Variants in CC2D2A observed in about 807,000 individuals in gnomAD.
CC2D2A encodes the protein coiled-coil and C2 domain-containing protein 2A.
CC2D2A carries 155 observed loss-of-function variants against 212.9 expected under a neutral mutation model. The ratio of observed to expected loss-of-function variants is 0.73; its 90% CI spans 0.64 to 0.83. The LOEUF is 0.83. Among genes scored for constraint, CC2D2A ranks in the 40% least tolerant of loss-of-function variants. The pLI is 0.00. For synonymous variants in CC2D2A, 667 were observed against 686.5 expected (o/e 0.97, Z 0.44); for missense variants, 1,856 against 1,956.2 (o/e 0.95, Z 0.97).
chr4:15,567,295 C>T lies in CC2D2A; in HGVS notation c.3183-82C>T, dbSNP rs887382087. ...CTTGGGCGACAGAGTGAGACCCTAT[C>T]TCAATAAATAAATAATTGTCTTCTC... is the stretch of plus-strand genomic sequence containing the variant. On this transcript the variant is annotated intron_variant, in intron 24 of 36. Transcript: ENST00000424120. The T allele has an allele frequency of 2.8e-6, 3 of 1,083,182 alleles. No individual in the cohort carries two copies. In the South Asian group the frequency reaches 4.1e-5, roughly 15 times the overall value. The allele number at this position is 1,083,182 out of a possible 1,614,324, so 67.1% of individuals were successfully genotyped here.
chr4:15,598,293 A>C (rs1721408534), intron 35 of CC2D2A, among the ~76,000 whole-genome samples: 1 of 152,250 alleles, frequency 6.6e-6, no homozygotes, highest in Non-Finnish European at 1.5e-5. Context: ...AAGCACCAAA[A>C]AAGAAATGAT....
chr4:15,538,027 G>C lies in CC2D2A; in HGVS notation c.1893G>C (p.Glu631Asp). ...AGCCCACTGATCGGGCAGTGATAGA[G>C]CAGGAGGTGAGGGAGAGAGCAGCCC... ...PPEPTDRAVI[E>D]QEVRERAAQS... is the part of the protein sequence containing the mutation. The change falls in exon 16 of 37, where the codon GAG becomes GAC. Residue 631 changes from glutamate to aspartate, a missense_variant. Physicochemically the swap from Glu to Asp is conservative, Grantham distance 45 (BLOSUM62 2). Coordinates refer to ENST00000424120, the MANE Select transcript of CC2D2A (RefSeq NM_001378615.1). 6.2e-7 allele frequency: 1 copy of C among 1,608,820 alleles called. No individual in the cohort carries two copies. Among genetic ancestry groups the C allele is most frequent in the Non-Finnish European group, 8.5e-7 (1 of 1,177,796 alleles).
chr4:15,481,569 C>T (rs981546661), intron 4 of CC2D2A: 1 of 181,780 alleles, frequency 5.5e-6, no homozygotes, highest in Non-Finnish European at 1.2e-5. Flanking sequence ...TGCTCCCTCT[C>T]TCACCATGCG....
intron 33 of CC2D2A, among the ~76,000 whole-genome samples, chr4:15,595,681 C>T (rs748415934): frequency 6.6e-6 from 1 of 152,190 alleles, no homozygotes; most frequent in Non-Finnish European, 1.5e-5. Flanking sequence ...AACACAAGGG[C>T]TATCTCAGAG....
intron 19 of CC2D2A, 89 bp downstream of exon 19, chr4:15,553,394 C>A: frequency 7.1e-7 from 1 of 1,406,864 alleles, no homozygotes; most frequent in East Asian, 2.4e-5. Flanking sequence ...GTATCATATT[C>A]TTTCCTTTTA....
At chr4:15,485,739 C>T (rs556874802) in intron 4 of CC2D2A, among the ~76,000 whole-genome samples, 5 of 152,180 alleles carry the variant, frequency 3.3e-5, no homozygotes, top group East Asian at 1.9e-4. Flanking sequence ...AGCATTTTTG[C>T]GTATACCTGT....
intron 4 of CC2D2A, among the ~76,000 whole-genome samples, chr4:15,484,156 T>C (rs1446970222): frequency 6.6e-6 from 1 of 152,142 alleles, no homozygotes; most frequent in African/African-American, 2.4e-5. Flanking sequence ...AGATAAAGAA[T>C]AAGCTGGCAG....
chr4:15,525,910 G>A (rs1717486822), intron 11 of CC2D2A, among the ~76,000 whole-genome samples: 1 of 152,132 alleles, frequency 6.6e-6, no homozygotes, highest in Non-Finnish European at 1.5e-5. Context: ...TTGGAATGTG[G>A]GGTAATGCAG....
chr4:15,532,675 A>C (rs950835712), intron 13 of CC2D2A, among the ~76,000 whole-genome samples: 1 of 152,258 alleles, frequency 6.6e-6, no homozygotes, highest in African/African-American at 2.4e-5. Context: ...AAGGTATTAA[A>C]TAAAGATGAA....
chr4:15,488,825 G>T (rs1260621710), intron 4 of CC2D2A, among the ~76,000 whole-genome samples: 2 of 152,206 alleles, frequency 1.3e-5, no homozygotes, highest in East Asian at 3.9e-4. Context: ...ATGCCCGGAG[G>T]TGCCACCTCC....
intron 28 of CC2D2A, among the ~76,000 whole-genome samples, chr4:15,573,292 T>C (rs940437561): frequency 2.0e-5 from 3 of 152,146 alleles, no homozygotes; most frequent in African/African-American, 7.2e-5. Flanking sequence ...ATGCCATAGT[T>C]TTTTGTTTTC....
At chr4:15,495,406 G>A (rs1230330884) in intron 4 of CC2D2A, among the ~76,000 whole-genome samples, 1 of 152,150 alleles carries the variant, frequency 6.6e-6, no homozygotes, top group African/African-American at 2.4e-5. Flanking sequence ...ACCACGCCCA[G>A]CCTCTATTGT....
chr4:15,554,834 T>C (rs371170223), intron 19 of CC2D2A, among the ~76,000 whole-genome samples: 14 of 152,364 alleles, frequency 9.2e-5, no homozygotes, highest in Middle Eastern at 3.4e-3. Context: ...TTTTATGCAC[T>C]GGACAGAGTT....
At chr4:15,540,628 C>G (rs1370926758) in intron 16 of CC2D2A, among the ~76,000 whole-genome samples, 1 of 152,206 alleles carries the variant, frequency 6.6e-6, no homozygotes, top group Non-Finnish European at 1.5e-5. Flanking sequence ...CTTAAATCCT[C>G]TGTGCCCTTT....
In CC2D2A at chr4:15,599,553, A is replaced by T. The variant is rs773300198; in HGVS notation, c.4521A>T (p.Lys1507Asn). 1.9e-6 allele frequency: 3 copies of T among 1,569,808 alleles called. No homozygotes were observed. In the African/African-American group the frequency reaches 4.1e-5, roughly 21 times the overall value. ...GGATTGAAAAAATACTAAAAGAAAA[A>T]ATCATGGACTGGAGGCCACGCCATC... ...QDRIEKILKEKIMDWRPRHLT... is the reference protein window; with the variant it reads ...QDRIEKILKENIMDWRPRHLT... Residue 1507 changes from lysine to asparagine, a missense_variant, in exon 36 of 37, where the codon AAA becomes AAT. Transcript: ENST00000424120.
chr4:15,519,905 G>A (rs1285290776), intron 11 of CC2D2A: 5 of 230,306 alleles, frequency 2.2e-5, no homozygotes, highest in Non-Finnish European at 4.5e-5. Flanking sequence ...CATATCACTG[G>A]GACTGCCTCC....
intron 17 of CC2D2A, among the ~76,000 whole-genome samples, chr4:15,546,109 C>G (rs1233643294): frequency 6.8e-6 from 1 of 146,302 alleles, no homozygotes; most frequent in Non-Finnish European, 1.5e-5. Context: ...GACCCTGTCT[C>G]AAAAAAAAAA....
intron 11 of CC2D2A, among the ~76,000 whole-genome samples, chr4:15,518,573 A>G (rs541401696): frequency 1.5e-4 from 23 of 152,222 alleles, no homozygotes; most frequent in African/African-American, 5.5e-4. Context: ...CCAACCGCAC[A>G]TTTCCCTTCT....
chr4:15,578,353 G>A (rs917117827), intron 29 of CC2D2A, among the ~76,000 whole-genome samples: 2 of 152,150 alleles, frequency 1.3e-5, no homozygotes, highest in Non-Finnish European at 2.9e-5. Context: ...TGGAATAGAA[G>A]CCACAGTTCA....
Sources: gnomAD v4.1 joint callset for allele counts (sites outside exome capture counted in the v4.1 genomes callset) on GRCh38, gnomAD v4.1.1 for gene constraint, MANE v1.5 for transcripts, NCBI Gene and HGNC (gene_info 2026-07-23, HGNC 2026-07-21) for gene names.